The following C6orf132 variants were observed in gnomAD, a reference collection of about 807,000 sequenced individuals.
The protein encoded by C6orf132 is chromosome 6 open reading frame 132, also known as uncharacterized protein C6orf132.
A neutral mutation model predicts 65.3 loss-of-function variants in C6orf132; 43 were observed. That is an observed-to-expected ratio of 0.66 (90% CI 0.52 to 0.85). The LOEUF is 0.85. C6orf132 is among the 40% of genes least tolerant of loss of function. C6orf132 has a pLI of 0.00. For missense variants in C6orf132, 1,488 were observed against 1,548.8 expected (o/e 0.96, Z 0.66); for synonymous variants, 631 against 654.1 (o/e 0.96, Z 0.54).
intron 1 of C6orf132, among the ~76,000 whole-genome samples, chr6:42,136,071 C>A (rs1766936776): frequency 6.6e-6 from 1 of 151,446 alleles, no homozygotes; most frequent in Non-Finnish European, 1.5e-5. Context: ...ATGTAACTAA[C>A]CTGCACATTG....
chr6:42,115,005 CAAA>C (rs772119981), intron 2 of C6orf132, among the ~76,000 whole-genome samples: 2 of 99,178 alleles, frequency 2.0e-5, no homozygotes, highest in Non-Finnish European at 4.2e-5. Flanking sequence ...GACTCTGTCT[CAAA>C]AAAAAAAAAA....
intron 1 of C6orf132, among the ~76,000 whole-genome samples, chr6:42,139,141 A>G (rs1766996439): frequency 6.6e-6 from 1 of 152,070 alleles, no homozygotes; most frequent in Admixed American, 6.5e-5. Flanking sequence ...ACATCCCTAC[A>G]TTGATTTTCC....
At chr6:42,128,834 C>T in intron 1 of C6orf132, 56 bp from the exon 2 acceptor site, 1 of 1,359,974 alleles carries the variant, frequency 7.4e-7, no homozygotes, top group South Asian at 1.3e-5. Context: ...CATCCGGCCA[C>T]CCAAGTTTAA....
intron 3 of C6orf132, among the ~76,000 whole-genome samples, chr6:42,108,193 T>A (rs1766443197): frequency 6.6e-6 from 1 of 152,188 alleles, no homozygotes; most frequent in South Asian, 2.1e-4. Flanking sequence ...AGGGTTCAAA[T>A]CCCAGCTCTA....
intron 3 of C6orf132, among the ~76,000 whole-genome samples, chr6:42,108,953 C>G (rs6938443): frequency 0.4 from 61,044 of 152,004 alleles, 13,876 homozygotes; most frequent in African/African-American, 0.63. Flanking sequence ...TCAGGCAGGA[C>G]TTAGGAGCTG....
At position 42,105,166 on chromosome 6, in the gene C6orf132, A is replaced by C. The variant is rs775701868; in HGVS notation, c.2746T>G (p.Trp916Gly). The change falls in exon 4 of 5, where the codon TGG becomes GGG. Residue 916 changes from tryptophan (W) to glycine (G), a missense_variant. Coordinates refer to ENST00000341865, the MANE Select transcript of C6orf132 (RefSeq NM_001164446.3). ...SPLTTEIPNKWGPRLGRDAEG... is the reference protein window; with the variant it reads ...SPLTTEIPNKGGPRLGRDAEG... Reference sequence around the variant, plus strand: ...GCGTCTCTTCCCAGCCGCGGCCCCCACTTATTGGGTATTTCGGTCGTCAGC... The same window carrying C: ...GCGTCTCTTCCCAGCCGCGGCCCCCCCTTATTGGGTATTTCGGTCGTCAGC... 1.3e-6 allele frequency: 2 copies of C among 1,536,690 alleles called. No homozygotes were observed. Among genetic ancestry groups the C allele is most frequent in the East Asian group, 4.9e-5 (2 of 40,884 alleles).
At chr6:42,133,729 C>T (rs1345349319) in intron 1 of C6orf132, among the ~76,000 whole-genome samples, 4 of 150,812 alleles carry the variant, frequency 2.7e-5, no homozygotes, top group Non-Finnish European at 5.9e-5. Flanking sequence ...ACCAAATTTC[C>T]CCCCAAATGG....
intron 2 of C6orf132, among the ~76,000 whole-genome samples, chr6:42,121,375 G>C (rs897133614): frequency 6.6e-6 from 1 of 152,234 alleles, no homozygotes; most frequent in African/African-American, 2.4e-5. Flanking sequence ...GAGGAAGAAA[G>C]GGAGGGAAGA....
intron 2 of C6orf132, among the ~76,000 whole-genome samples, chr6:42,115,034 C>T (rs1766544536): frequency 7.1e-6 from 1 of 141,300 alleles, no homozygotes; most frequent in African/African-American, 2.7e-5. Flanking sequence ...GGCATGGTGG[C>T]TCACACCTGT....
rs1466513762 is a variant in C6orf132, at chr6:42,104,616, G to C, written c.3296C>G (p.Pro1099Arg). 1 of 1,368,314 alleles carries C rather than the reference G, an allele frequency of 7.3e-7. No homozygotes were observed. The highest frequency in any genetic ancestry group is 9.4e-7 in the Non-Finnish European group (1 of 1,066,334). 84.8% of individuals were successfully genotyped at this position (1,368,314 alleles called of 1,614,324 possible). ...PNCFGPQPGG[P>R]EMRRVNSAGR... ...CGCCGAGTTCACGCGCCGCATCTCG[G>C]GGCCTCCGGGCTGCGGCCCGAAGCA... Residue 1099 changes from proline (P) to arginine (R), a missense_variant, in exon 4 of 5, where the codon CCC becomes CGC. Pro to Arg is a moderately radical substitution (Grantham distance 103). Transcript: ENST00000341865. The surrounding 1 kb of genome is among the most constrained non-coding windows in gnomAD (Gnocchi z 4.1).
At position 42,105,561 on chromosome 6, in the gene C6orf132, A is replaced by G; in HGVS notation, c.2351T>C (p.Val784Ala). ...TCCTCTGGCCAGGGTGGGCATCACC[A>G]CAGCAACCTCACGGCTGAGGCTGCT... ...HQSSLSREVA[V>A]VMPTLARGGA... The change falls in exon 4 of 5, where the codon GTG becomes GCG. Residue 784 changes from valine (V) to alanine (A), a missense_variant. Val to Ala is a moderately conservative substitution (Grantham distance 64). Coordinates refer to ENST00000341865, the MANE Select transcript of C6orf132 (RefSeq NM_001164446.3). 2.0e-6 allele frequency: 3 copies of G among 1,536,336 alleles called. No homozygotes were observed. The highest frequency in any genetic ancestry group is 2.6e-6 in the Non-Finnish European group (3 of 1,146,586).
intron 2 of C6orf132, among the ~76,000 whole-genome samples, chr6:42,113,535 C>G (rs1423685312): frequency 2.0e-5 from 3 of 152,240 alleles, no homozygotes; most frequent in African/African-American, 7.2e-5. Flanking sequence ...ACCAAGGCAG[C>G]TGGGCATGGT....
In C6orf132 at chr6:42,124,896, C is replaced by G. The variant is rs758445583; in HGVS notation, c.252+3776G>C. Among the ~76,000 whole-genome samples the G allele has an allele frequency of 6.6e-6, 1 of 152,232 alleles. No homozygotes were observed. The highest frequency in any genetic ancestry group is 6.5e-5 in the Admixed American group (1 of 15,282). On this transcript the variant is annotated intron_variant, in intron 2 of 4. Transcript: ENST00000341865. This position sits in a 1 kb window ranked among gnomAD's most constrained non-coding sequence, Gnocchi z 4.0. ...ACGAACGACATGGAAGCTGCCCTATCTTGTGACCTGAGTGAGGAGCACAGA... is the reference window on the plus strand; with the variant it reads ...ACGAACGACATGGAAGCTGCCCTATGTTGTGACCTGAGTGAGGAGCACAGA...
At chr6:42,132,158 G>A (rs114809315) in intron 1 of C6orf132, among the ~76,000 whole-genome samples, 2,974 of 152,194 alleles carry the variant, frequency 0.02, 109 homozygotes, top group African/African-American at 0.068. Flanking sequence ...CCTTAATTGA[G>A]CCCACAGAGA....
chr6:42,123,214 T>A (rs929942442), intron 2 of C6orf132, among the ~76,000 whole-genome samples: 4 of 151,806 alleles, frequency 2.6e-5, no homozygotes, highest in African/African-American at 9.7e-5. Context: ...AAAACCTGTC[T>A]CTACTAAAAA....
At chr6:42,112,086 T>C (rs1766504413) in intron 2 of C6orf132, among the ~76,000 whole-genome samples, 1 of 152,232 alleles carries the variant, frequency 6.6e-6, no homozygotes, top group Non-Finnish European at 1.5e-5. Flanking sequence ...TGGTCAGCTG[T>C]ACCTGTCATT....
Position 42,106,584 on chromosome 6 carries a change from G to T in C6orf132, c.1328C>A (p.Pro443His). The T allele has an allele frequency of 6.5e-7, 1 of 1,536,192 alleles. No individual in the cohort carries two copies. Among genetic ancestry groups the T allele is most frequent in the Non-Finnish European group, 8.7e-7 (1 of 1,146,792 alleles). ...CTCTGGGCTGGGGGGGTTGGGTTTG[G>T]GTTTGAGAGCAGGAGAGCTGGATTT... ...TPKSSSPALK[P>H]KPNPPSPENT... The change falls in exon 4 of 5, where the codon CCC becomes CAC. Residue 443 changes from proline to histidine, a missense_variant. Transcript: ENST00000341865.
Position 42,105,292 on chromosome 6 carries a change from G to A in C6orf132, c.2620C>T (p.Gln874Ter). ...ATGCTGTCAGAGCTGGCCTCGGCTT[G>A]GTGGCTGTGGTCACGGAGACTTCCT... The part of the protein sequence containing the change: ...LPGSLRDHSH[Q>*]AEASSDSIFH... The change falls in exon 4 of 5, where the codon CAA becomes TAA. Residue 874 changes from glutamine to a stop codon, truncating the protein, a stop_gained. Transcript: ENST00000341865. LOFTEE classifies it high-confidence loss of function. The A allele has an allele frequency of 6.5e-7, 1 of 1,537,142 alleles. No homozygotes were observed. The highest frequency in any genetic ancestry group is 8.7e-7 in the Non-Finnish European group (1 of 1,146,884).
rs925449795 is a variant in C6orf132 at position 42,124,557 on chromosome 6, A to G, written c.252+4115T>C. Among the ~76,000 whole-genome samples, 1 of 152,054 alleles carries G rather than the reference A, an allele frequency of 6.6e-6. No individual in the cohort carries two copies. The highest frequency in any genetic ancestry group is 1.5e-5 in the Non-Finnish European group (1 of 67,974). ...CAGCCTGGCCTGGGAGGTGCCTCTG[A>G]ATGTGGGAAGGGAGGACAGGGAGGG... On this transcript the variant is annotated intron_variant, in intron 2 of 4. Coordinates refer to ENST00000341865, the MANE Select transcript of C6orf132 (RefSeq NM_001164446.3). This position sits in a 1 kb window ranked among gnomAD's most constrained non-coding sequence, Gnocchi z 4.0.
Sources: allele counts gnomAD v4.1 joint callset (sites outside exome capture counted in the v4.1 genomes callset), GRCh38; gene constraint gnomAD v4.1.1; non-coding constraint Gnocchi (gnomAD v3.1); transcripts MANE v1.5; gene names NCBI Gene and HGNC (gene_info 2026-07-23, HGNC 2026-07-21).